KIF17: variants seen among roughly 807,000 people sequenced by gnomAD.
KIF17 encodes kinesin-like protein KIF17.
KIF17 carries 80 observed loss-of-function variants against 96.8 expected under a neutral mutation model. The ratio of observed to expected loss-of-function variants is 0.83; its 90% CI spans 0.69 to 1.00. The LOEUF (loss-of-function observed/expected upper bound fraction) is 1.00. Among genes scored for constraint, KIF17 ranks in the 50% least tolerant of loss-of-function variants. KIF17 has a pLI of 0.00. For missense variants in KIF17, 1,280 were observed against 1,372.9 expected, an observed-to-expected ratio of 0.93 and a Z score of 1.07; for synonymous variants, 567 against 587.5, an observed-to-expected ratio of 0.97 and a Z score of 0.51.
At position 20,687,464 on chromosome 1, in the gene KIF17, G is replaced by C; in HGVS notation, c.1862C>G (p.Ala621Gly). Residue 621 changes from alanine (A) to glycine (G), a missense_variant, in exon 8 of 15, where the codon GCC (alanine) becomes GGC (glycine). Ala to Gly is a moderately conservative substitution (Grantham distance 60). Coordinates refer to ENST00000400463, the MANE Select transcript of KIF17 (RefSeq NM_001122819.3). The surrounding 1 kb of genome is among the most constrained non-coding windows in gnomAD (Gnocchi z 4.4). ...GGTGGAGGAGAGTCTGGCCAGCTTGGCTTCCACCTCGGCAAACGGGTCCTG... is the reference window on the plus strand; with the variant it reads ...GGTGGAGGAGAGTCTGGCCAGCTTGCCTTCCACCTCGGCAAACGGGTCCTG... ...GLQDPFAEVE[A>G]KLARLSSTVA... 1 of 1,613,962 alleles carries C rather than the reference G, an allele frequency of 6.2e-7. No individual in the cohort carries two copies. The highest frequency in any genetic ancestry group is 8.5e-7 in the Non-Finnish European group (1 of 1,179,992).
intron 13 of KIF17, among the ~76,000 whole-genome samples, chr1:20,669,864 CAAAAAAAAAAAAAAAAAAAAA>C (rs61673996): frequency 1.1e-3 from 21 of 18,434 alleles, no homozygotes; most frequent in East Asian, 4.9e-3. Context: ...GACTCCATCT[CAAAAAAAAAAAAAAAAAAAAA>C]AAAAAAAAAA....
chr1:20,667,528 C>G (rs551129610), intron 13 of KIF17, among the ~76,000 whole-genome samples: 2 of 152,192 alleles, frequency 1.3e-5, no homozygotes, highest in Admixed American at 1.3e-4. Context: ...TCAGACCCCC[C>G]ACCCCGTCCT....
At chr1:20,696,485 C>T (rs1360866938) in intron 6 of KIF17, among the ~76,000 whole-genome samples, 2 of 152,182 alleles carry the variant, frequency 1.3e-5, no homozygotes, top group Non-Finnish European at 2.9e-5. Context: ...GCAGTGTCCA[C>T]TAGGCCGCCC....
At chr1:20,697,814 G>A (rs1007095513) in intron 6 of KIF17, among the ~76,000 whole-genome samples, 1 of 152,184 alleles carries the variant, frequency 6.6e-6, no homozygotes, top group Non-Finnish European at 1.5e-5. Context: ...CTCCGCCTCT[G>A]GAAATCAGGC....
At chr1:20,692,618 C>T (rs1358989366) in intron 6 of KIF17, 1 of 152,152 alleles carries the variant, frequency 6.6e-6, no homozygotes, top group Non-Finnish European at 1.5e-5. Context: ...CTTCTTAACA[C>T]ACTTCCTGAG....
chr1:20,689,684 C>A (rs867643559), intron 7 of KIF17, among the ~76,000 whole-genome samples: 1 of 151,938 alleles, frequency 6.6e-6, no homozygotes, highest in African/African-American at 2.4e-5. Context: ...AAAAAAAGAA[C>A]ACAAAAACCT....
intron 11 of KIF17, among the ~76,000 whole-genome samples, chr1:20,677,363 C>T (rs1260597435): frequency 6.6e-6 from 1 of 152,166 alleles, no homozygotes; most frequent in South Asian, 2.1e-4. Flanking sequence ...CTTGCATTAC[C>T]CTTTGTCCCA....
At chr1:20,710,356 C>T in intron 3 of KIF17, among the ~76,000 whole-genome samples, 1 of 152,170 alleles carries the variant, frequency 6.6e-6, no homozygotes, top group East Asian at 1.9e-4. Context: ...TCTAGAACAA[C>T]AGGAATATCC....
At chr1:20,708,586 G>A (rs2054383124) in intron 4 of KIF17, among the ~76,000 whole-genome samples, 1 of 152,188 alleles carries the variant, frequency 6.6e-6, no homozygotes, top group Non-Finnish European at 1.5e-5. Flanking sequence ...GGAGGCAGCT[G>A]CAGCATTCAT....
At chr1:20,713,413 C>T (rs1460137028) in intron 3 of KIF17, 41 bp downstream of exon 3, 4 of 1,464,688 alleles carry the variant, frequency 2.7e-6, no homozygotes, top group Middle Eastern at 1.9e-4. Context: ...GCCAACCTCC[C>T]CCCTACCAGC....
Position 20,698,396 on chromosome 1 carries a change from T to C in KIF17, c.1216A>G (p.Lys406Glu). The stretch of plus-strand genomic sequence containing the variant: ...GGTCTCACCTCCCGGATCAGCTGCT[T>C]CTCGGCCTCCACGTCATGCTGGATC... The part of the protein sequence containing the change: ...PVIQHDVEAE[K>E]QLIREEYEER... The change falls in exon 6 of 15, where the codon AAG (lysine) becomes GAG (glutamate). Residue 406 changes from lysine (K) to glutamate (E), a missense_variant. Lys to Glu is a moderately conservative substitution (Grantham distance 56). Transcript: ENST00000400463. 1 of 1,613,670 alleles carries C rather than the reference T, an allele frequency of 6.2e-7. No homozygotes were observed. Among genetic ancestry groups the C allele is most frequent in the Admixed American group, 1.7e-5 (1 of 60,010 alleles).
intron 11 of KIF17, among the ~76,000 whole-genome samples, chr1:20,678,687 C>A (rs2053778877): frequency 6.6e-6 from 1 of 152,140 alleles, no homozygotes; most frequent in Non-Finnish European, 1.5e-5. Context: ...TCCAGGACAG[C>A]ATGGGGCGAG....
chr1:20,678,924 C>T (rs1175303722), intron 11 of KIF17, among the ~76,000 whole-genome samples: 3 of 151,180 alleles, frequency 2.0e-5, no homozygotes, highest in Non-Finnish European at 4.4e-5. Context: ...AAGACAACCA[C>T]CACCAAAAAA....
chr1:20,688,001 C>A, intron 7 of KIF17, 57 bp from the exon 8 acceptor site: 1 of 1,447,858 alleles, frequency 6.9e-7, no homozygotes, highest in South Asian at 1.1e-5. Flanking sequence ...GAGACCCTTC[C>A]CTAGAAGGTG....
chr1:20,690,352 G>GTGCA lies in KIF17; in HGVS notation c.1234-18_1234-17insTGCA. 2 of 451,164 alleles carry GTGCA rather than the reference G, an allele frequency of 4.4e-6. No individual in the cohort carries two copies. Among genetic ancestry groups the GTGCA allele is most frequent in the Non-Finnish European group, 8.5e-6 (2 of 235,144 alleles). 27.9% of individuals were successfully genotyped at this position (451,164 alleles called of 1,614,324 possible). A position where few individuals can be genotyped will look rare whatever the true frequency, so the allele number is the denominator to read the frequency against. On this transcript the variant is annotated splice_polypyrimidine_tract_variant and intron_variant, in intron 6 of 14. Coordinates refer to ENST00000400463, the MANE Select transcript of KIF17 (RefSeq NM_001122819.3). ...TTCATACTCCTGGGGGGGTGGGAGG[G>GTGCA]ACCAGAGGGCAGGCAGCATTTTATC...
intron 11 of KIF17, among the ~76,000 whole-genome samples, chr1:20,673,270 A>G (rs2053679982): frequency 6.6e-6 from 1 of 152,164 alleles, no homozygotes; most frequent in African/African-American, 2.4e-5. Flanking sequence ...GTTTGAATTC[A>G]TGCACTGATA....
In KIF17 at chr1:20,685,846, C is replaced by T. The variant is rs1164722079; in HGVS notation, c.2019+200G>A. Reference sequence around the variant, plus strand: ...ACCATCTAGAACAACAGGCCACTTTCACTCCATAAGAAGAAGATGATGGTT... The same window carrying T: ...ACCATCTAGAACAACAGGCCACTTTTACTCCATAAGAAGAAGATGATGGTT... On this transcript the variant is annotated intron_variant, in intron 9 of 14. Transcript: ENST00000400463. The surrounding 1 kb of genome is among the most constrained non-coding windows in gnomAD (Gnocchi z 4.1). 6.6e-6 allele frequency among the ~76,000 whole-genome samples: 1 copy of T among 152,230 alleles called. No homozygotes were observed. The highest frequency in any genetic ancestry group is 1.5e-5 in the Non-Finnish European group (1 of 68,046).
chr1:20,668,098 C>T (rs954382342), intron 13 of KIF17, among the ~76,000 whole-genome samples: 3 of 151,772 alleles, frequency 2.0e-5, no homozygotes, highest in Non-Finnish European at 2.9e-5. Context: ...ATCACGAGGT[C>T]AGGAGATTGA....
intron 6 of KIF17, chr1:20,693,926 T>TACCAAGA (rs2054088546): frequency 6.6e-6 from 1 of 152,300 alleles, no homozygotes; most frequent in African/African-American, 2.4e-5. Context: ...TTGCTTCTTT[T>TACCAAGA]CCTTCCTTGG....
Sources: allele counts gnomAD v4.1 joint callset (sites outside exome capture counted in the v4.1 genomes callset), GRCh38; gene constraint gnomAD v4.1.1; non-coding constraint Gnocchi (gnomAD v3.1); transcripts MANE v1.5; gene names NCBI Gene and HGNC (gene_info 2026-07-23, HGNC 2026-07-21).